The following C10orf67 variants were observed in gnomAD, a reference collection of about 807,000 sequenced individuals.
The protein encoded by C10orf67 is uncharacterized protein C10orf67, mitochondrial.
Under a neutral mutation model 35.6 loss-of-function variants are expected in C10orf67, and 60 were observed. That is an observed-to-expected ratio of 1.68 (90% CI 1.37 to 2.09). The LOEUF is 2.09. C10orf67 is among the 30% of genes most tolerant of loss of function. The pLI is 0.00. For missense variants in C10orf67, 474 were observed against 330.2 expected (o/e 1.44, Z -3.38); for synonymous variants, 167 against 115.8 (o/e 1.44, Z -2.84).
At chr10:23,256,460 T>A (rs1842604086) in intron 10 of C10orf67, among the ~76,000 whole-genome samples, 1 of 152,172 alleles carries the variant, frequency 6.6e-6, no homozygotes, top group Non-Finnish European at 1.5e-5. Context: ...CCAGGTAACC[T>A]AAATTCCAAA....
rs576602516 is a variant in C10orf67 at position 23,311,199 on chromosome 10, G to C, written c.547-7740C>G. ...CTTTGGATGAAACTGAAACCCAAGA[G>C]TCCCATTTTAACATCCCATCTTAGG... On this transcript the variant is annotated intron_variant, in intron 4 of 15. Coordinates refer to ENST00000636213, the MANE Select transcript of C10orf67 (RefSeq NM_001371909.1). 3.3e-5 allele frequency among the ~76,000 whole-genome samples: 5 copies of C among 152,262 alleles called. No homozygotes were observed. In the South Asian group the frequency reaches 8.3e-4, roughly 25 times the overall value.
intron 2 of C10orf67, among the ~76,000 whole-genome samples, chr10:23,326,552 A>G (rs1171969286): frequency 6.6e-6 from 1 of 152,196 alleles, no homozygotes; most frequent in Non-Finnish European, 1.5e-5. Flanking sequence ...TTCAGGAAAT[A>G]ATAAAGAGCA....
chr10:23,307,071 C>T (rs1183883194), intron 4 of C10orf67, among the ~76,000 whole-genome samples: 2 of 152,098 alleles, frequency 1.3e-5, no homozygotes, highest in Non-Finnish European at 2.9e-5. Flanking sequence ...AAGTAATACA[C>T]CTTGACATCT....
In C10orf67 at chr10:23,202,958, G is replaced by A. The variant is rs1405145761; in HGVS notation, c.*1215C>T. On this transcript the variant is annotated 3_prime_UTR_variant, in exon 16 of 16. Coordinates refer to ENST00000636213, the MANE Select transcript of C10orf67 (RefSeq NM_001371909.1). ...TGGGAAAGATTCCAGACCTGACTCC[G>A]ATTAACCCTCTCTGGTGAAACTCTG... 6.6e-6 allele frequency: 1 copy of A among 152,192 alleles called. No homozygotes were observed. The highest frequency in any genetic ancestry group is 6.5e-5 in the Admixed American group (1 of 15,278). The allele number at this position is 152,192 out of a possible 1,614,324, so 9.4% of individuals were successfully genotyped here. A position where few individuals can be genotyped will look rare whatever the true frequency, so the allele number is the denominator to read the frequency against.
At chr10:23,234,136 A>G (rs1485983983) in intron 13 of C10orf67, among the ~76,000 whole-genome samples, 3 of 152,184 alleles carry the variant, frequency 2.0e-5, no homozygotes, top group Non-Finnish European at 4.4e-5. Context: ...AGACCTAAAA[A>G]CAGAACTACC....
intron 1 of C10orf67, 140 bp downstream of exon 1, chr10:23,344,429 C>G (rs1288720400): frequency 2.3e-6 from 2 of 853,972 alleles, no homozygotes; most frequent in African/African-American, 3.4e-5. Context: ...TCAAGGCTTC[C>G]CCACAAGACT....
At chr10:23,216,328 A>G (rs1272107082) in intron 15 of C10orf67, among the ~76,000 whole-genome samples, 1 of 152,210 alleles carries the variant, frequency 6.6e-6, no homozygotes, top group Non-Finnish European at 1.5e-5. Flanking sequence ...CACACCCATC[A>G]TATCAGCAAA....
At chr10:23,266,955 G>C (rs1198771166) in intron 9 of C10orf67, among the ~76,000 whole-genome samples, 1 of 152,090 alleles carries the variant, frequency 6.6e-6, no homozygotes, top group African/African-American at 2.4e-5. Context: ...GTGTTGCGCA[G>C]GCTGGTCTTG....
intron 10 of C10orf67, 95 bp downstream of exon 10, chr10:23,266,167 T>A (rs1167703118): frequency 1.5e-5 from 6 of 397,046 alleles, no homozygotes; most frequent in Admixed American, 1.3e-4. Context: ...GAACCCGGTG[T>A]GCTTAGACTG....
rs78609147 is a variant in C10orf67, at chr10:23,305,233, G to A, written c.547-1774C>T. Among the ~76,000 whole-genome samples, 489 of 152,288 alleles carry A rather than the reference G, an allele frequency of 3.2e-3. 14 individuals are homozygous for A. The East Asian group carries it at 0.05, about 15-fold the overall frequency. ...TGGAGATCTGCAAATCATTTGATAA[G>A]TAAATCAAAATAATTATCTTTAAGA... On this transcript the variant is annotated intron_variant, in intron 4 of 15. Transcript: ENST00000636213.
At chr10:23,217,073 T>C (rs1841451230) in intron 15 of C10orf67, among the ~76,000 whole-genome samples, 1 of 152,230 alleles carries the variant, frequency 6.6e-6, no homozygotes, top group Admixed American at 6.5e-5. Flanking sequence ...TTGGATGAAC[T>C]CTAGCTTACA....
At chr10:23,343,186 A>G (rs1406863191) in intron 1 of C10orf67, among the ~76,000 whole-genome samples, 1 of 152,148 alleles carries the variant, frequency 6.6e-6, no homozygotes, top group Non-Finnish European at 1.5e-5. Context: ...TCTCCTGAAA[A>G]TTCATGTTGA....
At chr10:23,281,570 A>G (rs1843367453) in intron 8 of C10orf67, among the ~76,000 whole-genome samples, 1 of 152,208 alleles carries the variant, frequency 6.6e-6, no homozygotes, top group Non-Finnish European at 1.5e-5. Context: ...AGCCGTCTGG[A>G]AAGTTCTCTT....
rs1194924693 is a variant in C10orf67 at position 23,203,214 on chromosome 10, A to G, written c.*959T>C. 1 of 152,248 alleles carries G rather than the reference A, an allele frequency of 6.6e-6. No homozygotes were observed. Among genetic ancestry groups the G allele is most frequent in the Non-Finnish European group, 1.5e-5 (1 of 68,052 alleles). 9.4% of individuals were successfully genotyped at this position (152,248 alleles called of 1,614,324 possible). On this transcript the variant is annotated 3_prime_UTR_variant, in exon 16 of 16. Transcript: ENST00000636213. ...AACACTCCTTTGGAGACAGCGGCATATAGTGCATAGTAGATGAAGCTCGAA... is the reference window on the plus strand; with the variant it reads ...AACACTCCTTTGGAGACAGCGGCATGTAGTGCATAGTAGATGAAGCTCGAA...
Position 23,204,077 on chromosome 10 carries a change from T to G in C10orf67, c.*96A>C. On this transcript the variant is annotated 3_prime_UTR_variant, in exon 16 of 16. Transcript: ENST00000636213. ...TTAAACAATTAGTTTAGAAAATCCT[T>G]GGAGATAGTATCCTTTCCGAGGGAG... 1 of 445,430 alleles carries G rather than the reference T, an allele frequency of 2.2e-6. No individual in the cohort carries two copies. Among genetic ancestry groups the G allele is most frequent in the Non-Finnish European group, 4.1e-6 (1 of 243,310 alleles). The allele number at this position is 445,430 out of a possible 1,614,324, so 27.6% of individuals were successfully genotyped here. A position where few individuals can be genotyped will look rare whatever the true frequency, so the allele number is the denominator to read the frequency against.
intron 13 of C10orf67, among the ~76,000 whole-genome samples, chr10:23,236,332 C>G (rs1842052647): frequency 2.0e-5 from 3 of 147,988 alleles, no homozygotes; most frequent in Non-Finnish European, 4.4e-5. Flanking sequence ...ACTCAGGAGG[C>G]TGAGGCAGAG....
At chr10:23,329,398 C>T (rs919453113) in intron 2 of C10orf67, among the ~76,000 whole-genome samples, 3 of 151,900 alleles carry the variant, frequency 2.0e-5, no homozygotes, top group African/African-American at 4.8e-5. Flanking sequence ...AATGGGAATA[C>T]ATACATAACA....
intron 15 of C10orf67, among the ~76,000 whole-genome samples, chr10:23,211,744 A>G (rs1004542520): frequency 2.0e-5 from 3 of 152,240 alleles, no homozygotes; most frequent in African/African-American, 7.2e-5. Context: ...TCCTTTATCC[A>G]GAACATGAAG....
intron 15 of C10orf67, among the ~76,000 whole-genome samples, chr10:23,213,171 T>G (rs1276073414): frequency 6.6e-6 from 1 of 152,158 alleles, no homozygotes; most frequent in Non-Finnish European, 1.5e-5. Context: ...ATTTGAATGT[T>G]GGAAGGTACT....
Sources: gnomAD v4.1 joint callset for allele counts (sites outside exome capture counted in the v4.1 genomes callset) on GRCh38, gnomAD v4.1.1 for gene constraint, MANE v1.5 for transcripts, NCBI Gene and HGNC (gene_info 2026-07-23, HGNC 2026-07-21) for gene names.